Variants in TMED5 observed in about 807,000 individuals in gnomAD.
TMED5 encodes transmembrane emp24 domain-containing protein 5.
A neutral mutation model predicts 23.0 loss-of-function variants in TMED5; 27 were observed. The ratio of observed to expected loss-of-function variants is 1.17; its 90% confidence interval spans 0.86 to 1.62. TMED5 has a LOEUF of 1.62. TMED5 is among the 40% of genes most tolerant of loss of function. The pLI is 0.00. For missense variants in TMED5, 248 were observed against 273.7 expected, an observed-to-expected ratio of 0.91 and a Z score of 0.66; for synonymous variants, 97 against 100.8, an observed-to-expected ratio of 0.96 and a Z score of 0.23.
intron 2 of TMED5, among the ~76,000 whole-genome samples, chr1:93,159,264 G>A (rs1171937325): frequency 2.0e-5 from 3 of 152,154 alleles, no homozygotes; most frequent in Non-Finnish European, 4.4e-5. Flanking sequence ...TGTATCCCTG[G>A]AGACTTATTT....
At chr1:93,169,886 C>CAG (rs1248167307) in intron 1 of TMED5, among the ~76,000 whole-genome samples, 2 of 148,562 alleles carry the variant, frequency 1.3e-5, no homozygotes, top group Non-Finnish European at 3.0e-5. Flanking sequence ...TGTCTGTACA[C>CAG]ACACACACAC....
At position 93,154,779 on chromosome 1, in the gene TMED5, C is replaced by CTG; in HGVS notation, c.580_581insCA (p.Arg194ThrfsTer11). 6.2e-7 allele frequency: 1 copy of CTG among 1,614,024 alleles called. No homozygotes were observed. Among genetic ancestry groups the CTG allele is most frequent in the South Asian group, 1.1e-5 (1 of 91,080 alleles). ...ATTAACCATAGACCAGAAATTGACTCTATCAAAGTTGCTTTCTTGTATGTT... is the reference window on the plus strand; with the variant it reads ...ATTAACCATAGACCAGAAATTGACTCTGTATCAAAGTTGCTTTCTTGTATGTT... On this transcript the variant is annotated frameshift_variant, in exon 4 of 4. Transcript: ENST00000370282. LOFTEE classifies it high-confidence loss of function.
In TMED5 at chr1:93,154,662, T is replaced by C; in HGVS notation, c.*8A>G. On this transcript the variant is annotated 3_prime_UTR_variant, in exon 4 of 4. Coordinates refer to ENST00000370282, the MANE Select transcript of TMED5 (RefSeq NM_016040.5). ...ATTTTTCAATGTTACGTACTCTAGT[T>C]TGGAGTTTTAAGTTCTACTTTTCCT... The C allele has an allele frequency of 6.2e-7, 1 of 1,603,694 alleles. No individual in the cohort carries two copies.
intron 1 of TMED5, 59 bp from the exon 2 acceptor site, chr1:93,160,285 T>C (rs1486336228): frequency 1.0e-6 from 1 of 987,356 alleles, no homozygotes; most frequent in Non-Finnish European, 1.6e-6. Flanking sequence ...TAAAAAATTA[T>C]ATACAGTAGA....
At chr1:93,175,563 T>G (rs1312687236) in intron 1 of TMED5, among the ~76,000 whole-genome samples, 1 of 151,728 alleles carries the variant, frequency 6.6e-6, no homozygotes, top group African/African-American at 2.4e-5. Context: ...CATGTAATAT[T>G]AGGCATGTAT....
rs1026092147 is a variant in TMED5 at position 93,154,172 on chromosome 1, T to C, written c.*498A>G. The C allele has an allele frequency of 2.6e-5, 4 of 154,948 alleles. No individual in the cohort carries two copies. Among genetic ancestry groups the C allele is most frequent in the African/African-American group, 9.6e-5 (4 of 41,474 alleles). 9.6% of individuals were successfully genotyped at this position (154,948 alleles called of 1,614,324 possible). A position where few individuals can be genotyped will look rare whatever the true frequency, so the allele number is the denominator to read the frequency against. ...CTATTTACATTATAGGAGAGATGCA[T>C]ATGTAAATAGAGAAAAGTTGGGCTT... On this transcript the variant is annotated 3_prime_UTR_variant, in exon 4 of 4. Transcript: ENST00000370282.
chr1:93,161,884 A>G (rs529830448), intron 1 of TMED5: 2 of 152,288 alleles, frequency 1.3e-5, no homozygotes, highest in Admixed American at 1.3e-4. Flanking sequence ...GTTATTATCC[A>G]TATTTTGATT....
intron 1 of TMED5, among the ~76,000 whole-genome samples, chr1:93,176,127 T>C (rs1370831363): frequency 6.6e-6 from 1 of 152,182 alleles, no homozygotes; most frequent in Non-Finnish European, 1.5e-5. Flanking sequence ...AACAAGGACC[T>C]AAAAGCCCAC....
At chr1:93,171,334 A>G (rs140405843) in intron 1 of TMED5, among the ~76,000 whole-genome samples, 103 of 152,324 alleles carry the variant, frequency 6.8e-4, no homozygotes, top group Non-Finnish European at 1.3e-3. Context: ...CGCTGCCTTT[A>G]AGAACTGTAA....
At chr1:93,163,092 TTAAAA>T (rs1648344023) in intron 1 of TMED5, 1 of 151,820 alleles carries the variant, frequency 6.6e-6, no homozygotes, top group African/African-American at 2.4e-5. Context: ...AAATAAAATT[TTAAAA>T]TAAATAAATA....
chr1:93,175,812 T>C (rs1056978069), intron 1 of TMED5, among the ~76,000 whole-genome samples: 1 of 152,196 alleles, frequency 6.6e-6, no homozygotes, highest in Non-Finnish European at 1.5e-5. Context: ...CAATAGATAC[T>C]TTTTAGTGCC....
chr1:93,162,888 T>A (rs1234807927), intron 1 of TMED5: 5 of 152,114 alleles, frequency 3.3e-5, no homozygotes, highest in Non-Finnish European at 7.4e-5. Context: ...AGTAAAAAGA[T>A]ATTTACTGAC....
rs11332484 is a variant in TMED5 at position 93,179,367 on chromosome 1, C to CAA, written c.189+685_189+686dup. Among the ~76,000 whole-genome samples, 556 of 96,132 alleles carry CAA rather than the reference C, an allele frequency of 5.8e-3. 3 individuals are homozygous for CAA. The highest frequency in any genetic ancestry group is 0.02 in the African/African-American group (507 of 25,122). 63.1% of individuals were successfully genotyped at this position (96,132 alleles called of 152,430 possible). ...TGAGCAACAAAGCGAGACTCCGTCT[C>CAA]AAAAAAAAAAAAAAAAAACAATGAC... On this transcript the variant is annotated intron_variant, in intron 1 of 3. Transcript: ENST00000370282.
chr1:93,171,132 G>C (rs979325394), intron 1 of TMED5, among the ~76,000 whole-genome samples: 1 of 152,150 alleles, frequency 6.6e-6, no homozygotes, highest in Non-Finnish European at 1.5e-5. Context: ...AAGGTCTGCA[G>C]CTTCACTCCT....
Position 93,156,444 on chromosome 1 carries a change from G to A in TMED5, c.327C>T (p.Asp109=). ...TEVGDYMFCF[D]NTFSTISEKV... ...TCTCAGAAATGGTGCTGAATGTATT[G>A]TCAAAGCAGAACATGTAATCACCAA... Residue 109 remains aspartate, a synonymous_variant, in exon 3 of 4, where the codon GAC becomes GAT. Transcript: ENST00000370282. 2 of 1,613,776 alleles carry A rather than the reference G, an allele frequency of 1.2e-6. No individual in the cohort carries two copies. The highest frequency in any genetic ancestry group is 1.7e-6 in the Non-Finnish European group (2 of 1,179,858).
intron 1 of TMED5, among the ~76,000 whole-genome samples, chr1:93,164,006 C>A (rs1028748477): frequency 1.4e-5 from 2 of 147,210 alleles, no homozygotes; most frequent in African/African-American, 5.0e-5. Context: ...AAGCCATAAT[C>A]TGGAACAAAA....
Position 93,152,754 on chromosome 1 carries a change from T to A in TMED5, c.*1916A>T, listed in dbSNP as rs897634021. ...AGTTTATATCTGTACCCTGCTTTAT[T>A]AGTTATGGTACTGTAAATTTGCTTC... On this transcript the variant is annotated 3_prime_UTR_variant, in exon 4 of 4. Transcript: ENST00000370282. 6.6e-6 allele frequency: 1 copy of A among 152,556 alleles called. No individual in the cohort carries two copies. Among genetic ancestry groups the A allele is most frequent in the African/African-American group, 2.4e-5 (1 of 41,422 alleles). 9.5% of individuals were successfully genotyped at this position (152,556 alleles called of 1,614,324 possible).
chr1:93,154,468 C>T lies in TMED5; in HGVS notation c.*202G>A. 1.8e-6 allele frequency: 1 copy of T among 563,600 alleles called. No homozygotes were observed. Among genetic ancestry groups the T allele is most frequent in the East Asian group, 3.0e-5 (1 of 33,828 alleles). 34.9% of individuals were successfully genotyped at this position (563,600 alleles called of 1,614,324 possible). A position where few individuals can be genotyped will look rare whatever the true frequency, so the allele number is the denominator to read the frequency against. ...TTAAACCTATATTCTGCAAAATATTCCTGTTACACACTTAAGTACAACTGG... is the reference window on the plus strand; with the variant it reads ...TTAAACCTATATTCTGCAAAATATTTCTGTTACACACTTAAGTACAACTGG... On this transcript the variant is annotated 3_prime_UTR_variant, in exon 4 of 4. Coordinates refer to ENST00000370282, the MANE Select transcript of TMED5 (RefSeq NM_016040.5).
intron 2 of TMED5, among the ~76,000 whole-genome samples, chr1:93,158,610 C>A (rs1312285498): frequency 7.1e-6 from 1 of 141,462 alleles, no homozygotes. Flanking sequence ...GAGTCTCTGT[C>A]GCCAGGCTGG....
Sources: gnomAD v4.1 joint callset for allele counts (sites outside exome capture counted in the v4.1 genomes callset) on GRCh38, gnomAD v4.1.1 for gene constraint, MANE v1.5 for transcripts, NCBI Gene and HGNC (gene_info 2026-07-23, HGNC 2026-07-21) for gene names.